Variants in CACTIN observed in about 807,000 individuals in gnomAD.
The protein encoded by CACTIN is splicing factor Cactin.
In CACTIN, 20 loss-of-function variants were observed where a neutral mutation model predicts 84.9. That is an observed-to-expected ratio of 0.24 (90% CI 0.17 to 0.34). The LOEUF is 0.34. CACTIN is among the 10% of genes least tolerant of loss of function. The probability of loss-of-function intolerance (pLI) is 1.00; values close to 1 mark genes in which losing one functional copy is unlikely to be tolerated. For missense variants in CACTIN, 897 were observed against 1,117.2 expected (o/e 0.80, Z 2.81); for synonymous variants, 549 against 467.9 (o/e 1.17, Z -2.24).
At position 3,615,579 on chromosome 19, in the gene CACTIN, A is replaced by C. The variant is rs1296232772; in HGVS notation, c.1163-990T>G. On this transcript the variant is annotated intron_variant, in intron 6 of 9. Coordinates refer to ENST00000429344, the MANE Select transcript of CACTIN (RefSeq NM_001080543.2). The surrounding 1 kb of genome is among the most constrained non-coding windows in gnomAD (Gnocchi z 5.2). Reference sequence around the variant, plus strand: ...TTCCGCCAGGAAGCCCTCCCTGACCATCCAGCGATGGCAGCTTCCCGAGGC... The same window carrying C: ...TTCCGCCAGGAAGCCCTCCCTGACCCTCCAGCGATGGCAGCTTCCCGAGGC... The C allele has an allele frequency of 6.6e-6, 1 of 152,374 alleles. No homozygotes were observed. The highest frequency in any genetic ancestry group is 2.4e-5 in the African/African-American group (1 of 41,418). 9.4% of individuals were successfully genotyped at this position (152,374 alleles called of 1,614,324 possible). A position where few individuals can be genotyped will look rare whatever the true frequency, so the allele number is the denominator to read the frequency against.
intron 2 of CACTIN, chr19:3,621,042 A>C (rs754135360): frequency 3.8e-5 from 23 of 605,852 alleles, no homozygotes; most frequent in Non-Finnish European, 6.6e-5. Context: ...GGCTACCCCA[A>C]CTCTCAACAG....
In CACTIN at chr19:3,624,146, C is replaced by A; in HGVS notation, c.184G>T (p.Glu62Ter). 1 of 1,566,674 alleles carries A rather than the reference C, an allele frequency of 6.4e-7. No individual in the cohort carries two copies. The highest frequency in any genetic ancestry group is 8.6e-7 in the Non-Finnish European group (1 of 1,158,356). The change falls in exon 2 of 10, where the codon GAG becomes TAG. Residue 62 changes from glutamate to a stop codon, truncating the protein, a stop_gained. Transcript: ENST00000429344. LOFTEE classifies it high-confidence loss of function. ...CGCATCCCTGAGCGCTGCCACCGCT[C>A]TTCCTCTGAATCTGACCTGCGGAGA... ...SRERRSDSEEERWQRSGMRSR... is the reference protein window; with the variant it reads ...SRERRSDSEE
intron 2 of CACTIN, 120 bp downstream of exon 2, chr19:3,623,566 CGT>C (rs979468822): frequency 1.6e-5 from 13 of 805,272 alleles, no homozygotes; most frequent in South Asian, 3.6e-5. Flanking sequence ...CTTGCTTATG[CGT>C]GTGTGTGTAA....
intron 9 of CACTIN, chr19:3,612,800 G>GGGAGT (rs1568290557): frequency 1.4e-6 from 1 of 703,990 alleles, no homozygotes; most frequent in Non-Finnish European, 2.6e-6. Context: ...AGGCTGCCCA[G>GGGAGT]GGAGTGCTCG....
rs199984244 is a variant in CACTIN, at chr19:3,623,796, C to A, written c.534G>T (p.Glu178Asp). 3.1e-6 allele frequency: 5 copies of A among 1,613,908 alleles called. No individual in the cohort carries two copies. In the Middle Eastern group the frequency reaches 4.9e-4, roughly 160 times the overall value. The stretch of plus-strand genomic sequence containing the variant: ...AGCCCATCTTCTCCCGCTTCTTGCG[C>A]TCCTTGGCCTCCTTCTTGGCCAGCC... ...ARRLAKKEAK[E>D]RKKREKMGWG... The change falls in exon 2 of 10, where the codon GAG (glutamate) becomes GAT (aspartate). Residue 178 changes from glutamate (E) to aspartate (D), a missense_variant. By Grantham distance (45) the Glu-to-Asp change is conservative. This residue lies in a region of CACTIN where 304 missense variants were observed against 444.3 expected (regional missense o/e 0.68). Transcript: ENST00000429344.
In CACTIN at chr19:3,613,098, C is replaced by T; in HGVS notation, c.1746G>A (p.Leu582=). 6.3e-7 allele frequency: 1 copy of T among 1,596,670 alleles called. No homozygotes were observed. Residue 582 remains leucine (L), a synonymous_variant, in exon 9 of 10, where the codon CTG becomes CTA. Coordinates refer to ENST00000429344, the MANE Select transcript of CACTIN (RefSeq NM_001080543.2). ...DAHVLEPDED[L]QRLQLSRQQL... is the part of the protein sequence containing the mutation. Reference sequence around the variant, plus strand: ...GCTGGCGCGAGAGCTGCAGGCGCTGCAGGTCCTCATCCGGTTCCAGCACGT... The same window carrying T: ...GCTGGCGCGAGAGCTGCAGGCGCTGTAGGTCCTCATCCGGTTCCAGCACGT...
rs1377833256 is a variant in CACTIN, at chr19:3,618,944, C to A, written c.1093G>T (p.Asp365Tyr). 1 of 1,560,004 alleles carries A rather than the reference C, an allele frequency of 6.4e-7. No individual in the cohort carries two copies. Among genetic ancestry groups the A allele is most frequent in the Non-Finnish European group, 8.7e-7 (1 of 1,151,862 alleles). The stretch of plus-strand genomic sequence containing the variant: ...TCGTCCTCGGTGATGGTGGTCATGT[C>A]CCGCCAGAAGTCGGCGTTCTTGCCC... ...EQGKNADFWRDMTTITEDEIS... is the reference protein window; with the variant it reads ...EQGKNADFWRYMTTITEDEIS... Residue 365 changes from aspartate (D) to tyrosine (Y), a missense_variant, in exon 6 of 10, where the codon GAC (aspartate) becomes TAC (tyrosine). Transcript: ENST00000429344.
intron 6 of CACTIN, among the ~76,000 whole-genome samples, chr19:3,617,799 G>A (rs2033137255): frequency 6.6e-6 from 1 of 152,214 alleles, no homozygotes; most frequent in Admixed American, 6.5e-5. Context: ...ACACACCTCT[G>A]ATGCTGGAGA....
Position 3,611,772 on chromosome 19 carries a change from A to T in CACTIN, c.*151T>A, listed in dbSNP as rs1005770931. ...TGACCCCCCTTTTATATAGGAGGAA[A>T]CTGAGGCCTGGCGAAAGAAAGATGC... On this transcript the variant is annotated 3_prime_UTR_variant, in exon 10 of 10. Coordinates refer to ENST00000429344, the MANE Select transcript of CACTIN (RefSeq NM_001080543.2). 7 of 1,004,444 alleles carry T rather than the reference A, an allele frequency of 7.0e-6. No homozygotes were observed. The highest frequency in any genetic ancestry group is 1.1e-5 in the Non-Finnish European group (7 of 662,562). The allele number at this position is 1,004,444 out of a possible 1,614,324, so 62.2% of individuals were successfully genotyped here.
chr19:3,623,630 G>A, intron 2 of CACTIN, 58 bp downstream of exon 2: 2 of 1,448,116 alleles, frequency 1.4e-6, no homozygotes, highest in Non-Finnish European at 9.4e-7. Flanking sequence ...AAGTGTTGGG[G>A]TCTCCAGAAA....
rs181305565 is a variant in CACTIN, at chr19:3,621,526, A to C, written c.643-724T>G. Reference sequence around the variant, plus strand: ...GGCTGCCTGGCTGGGGACCACCCCCAGACACCCGGGCCACTCTGTGGTCTA... The same window carrying C: ...GGCTGCCTGGCTGGGGACCACCCCCCGACACCCGGGCCACTCTGTGGTCTA... On this transcript the variant is annotated intron_variant, in intron 2 of 9. Coordinates refer to ENST00000429344, the MANE Select transcript of CACTIN (RefSeq NM_001080543.2). Among the ~76,000 whole-genome samples the C allele has an allele frequency of 2.6e-3, 399 of 152,280 alleles. 1 individual carries two copies. Among genetic ancestry groups the C allele is most frequent in the Non-Finnish European group, 4.0e-3 (273 of 68,000 alleles).
chr19:3,623,841 G>T lies in CACTIN; in HGVS notation c.489C>A (p.Pro163=). 5.0e-6 allele frequency: 8 copies of T among 1,612,102 alleles called. No individual in the cohort carries two copies. Among genetic ancestry groups the T allele is most frequent in the Non-Finnish European group, 5.9e-6 (7 of 1,179,872 alleles). The change falls in exon 2 of 10, where the codon CCC becomes CCA. Residue 163 remains proline, a synonymous_variant. Coordinates refer to ENST00000429344, the MANE Select transcript of CACTIN (RefSeq NM_001080543.2). Reference sequence around the variant, plus strand: ...CCAGCCGCCGTGCGCGCTTCTCCTCGGGCGTCTCGAAGGCCTTCATCAGCT... The same window carrying T: ...CCAGCCGCCGTGCGCGCTTCTCCTCTGGCGTCTCGAAGGCCTTCATCAGCT... The part of the protein sequence containing the change: ...QEELMKAFET[P]EEKRARRLAK...
rs754237381 is a variant in CACTIN at position 3,623,982 on chromosome 19, G to A, written c.348C>T (p.Ser116=). 1 of 1,604,696 alleles carries A rather than the reference G, an allele frequency of 6.2e-7. No homozygotes were observed. The highest frequency in any genetic ancestry group is 8.5e-7 in the Non-Finnish European group (1 of 1,178,874). Reference sequence around the variant, plus strand: ...GGGATCGCCCTGGAGACGCGGAGCTGGATGCTGAGGAGCTAGGAGACCACG... The same window carrying A: ...GGGATCGCCCTGGAGACGCGGAGCTAGATGCTGAGGAGCTAGGAGACCACG... ...ARSWSPSSSA[S]SSASPGRSQS... The change falls in exon 2 of 10, where the codon TCC becomes TCT. Residue 116 remains serine, a synonymous_variant. Transcript: ENST00000429344.
In CACTIN at chr19:3,615,071, G is replaced by C. The variant is rs2033073701; in HGVS notation, c.1163-482C>G. 5.0e-6 allele frequency: 1 copy of C among 198,232 alleles called. No homozygotes were observed. Among genetic ancestry groups the C allele is most frequent in the South Asian group, 9.5e-5 (1 of 10,522 alleles). 12.3% of individuals were successfully genotyped at this position (198,232 alleles called of 1,614,324 possible). A position where few individuals can be genotyped will look rare whatever the true frequency, so the allele number is the denominator to read the frequency against. On this transcript the variant is annotated intron_variant, in intron 6 of 9. Transcript: ENST00000429344. The surrounding 1 kb of genome is among the most constrained non-coding windows in gnomAD (Gnocchi z 5.2). The stretch of plus-strand genomic sequence containing the variant: ...CTGTGTGACTGTGGGCAAGTGGCCT[G>C]CCCTTTCTGGGCCTTAGTTTCCCTC...
intron 4 of CACTIN, 53 bp from the exon 5 acceptor site, chr19:3,619,295 TA>T: frequency 1.3e-6 from 2 of 1,581,326 alleles, no homozygotes; most frequent in Non-Finnish European, 8.6e-7. Flanking sequence ...CCCTCCATGC[TA>T]AAGACCCTGC....
intron 7 of CACTIN, chr19:3,613,847 T>C (rs1289562247): frequency 1.9e-6 from 1 of 534,990 alleles, no homozygotes; most frequent in East Asian, 3.1e-5. Flanking sequence ...AGTCTCAGTG[T>C]CTTGTGGCTG....
intron 1 of CACTIN, among the ~76,000 whole-genome samples, chr19:3,624,373 T>C (rs538388126): frequency 1.2e-3 from 188 of 152,102 alleles, no homozygotes; most frequent in Non-Finnish European, 1.8e-3. Flanking sequence ...CACGCAACAC[T>C]AGGCAGAGGC....
intron 9 of CACTIN, chr19:3,612,661 C>T: frequency 1.4e-6 from 1 of 718,162 alleles, no homozygotes; most frequent in Non-Finnish European, 2.5e-6. Context: ...AGCGCGCTTC[C>T]CCGCCGAGCG....
intron 3 of CACTIN, 198 bp from the exon 4 acceptor site, chr19:3,620,470 T>C (rs2145329611): frequency 1.4e-6 from 1 of 739,846 alleles, no homozygotes; most frequent in Non-Finnish European, 2.3e-6. Flanking sequence ...TCAGATCAGC[T>C]GGGGCCCTCT....
Sources: gnomAD v4.1 joint callset for allele counts (sites outside exome capture counted in the v4.1 genomes callset) on GRCh38, gnomAD v4.1.1 for gene constraint, gnomAD v4.1.1 regional missense constraint, Gnocchi (gnomAD v3.1) non-coding constraint, MANE v1.5 for transcripts, NCBI Gene and HGNC (gene_info 2026-07-23, HGNC 2026-07-21) for gene names.